The following RGCC variants were observed in gnomAD, a reference collection of about 807,000 sequenced individuals.
RGCC encodes the protein regulator of cell cycle, also known as regulator of cell cycle RGCC.
In RGCC, 15 loss-of-function variants were observed where a neutral mutation model predicts 15.4. The ratio of observed to expected loss-of-function variants is 0.97; its 90% CI spans 0.65 to 1.50. The LOEUF (loss-of-function observed/expected upper bound fraction) is 1.50. Ranked by LOEUF, RGCC falls within the 40% of genes most tolerant of loss-of-function variation. The pLI is 0.00. For missense variants in RGCC, 176 were observed against 189.7 expected, an observed-to-expected ratio of 0.93 and a Z score of 0.42; for synonymous variants, 81 against 78.0, an observed-to-expected ratio of 1.04 and a Z score of -0.20.
chr13:41,466,197 ACAC>A (rs1566338406), intron 2 of RGCC, among the ~76,000 whole-genome samples: 226 of 130,898 alleles, frequency 1.7e-3, no homozygotes, highest in African/African-American at 5.8e-3. Flanking sequence ...ACACTCACAC[ACAC>A]TCATACACTC....
chr13:41,463,606 T>C (rs2043833162), intron 2 of RGCC, among the ~76,000 whole-genome samples: 1 of 151,980 alleles, frequency 6.6e-6, no homozygotes, highest in South Asian at 2.1e-4. Context: ...CTAGTATTTT[T>C]CCTCCTCTTC....
At chr13:41,469,289 TAATAATAAGAAGAAG>T (rs1214460299) in intron 4 of RGCC, among the ~76,000 whole-genome samples, 16,180 of 100,532 alleles carry the variant, frequency 0.16, 1,078 homozygotes, top group South Asian at 0.24. Context: ...ATAATAATAA[TAATAATAAGAAGAAG>T]AAGAAGAAGA....
Position 41,458,588 on chromosome 13 carries a change from A to C in RGCC, c.235+118A>C. ...ACTGAGGAATGGTTTCCTGAAGCTC[A>C]ACGCAGTAGGCCGAGTGGTGGCGGG... On this transcript the variant is annotated intron_variant, in intron 2 of 4. Transcript: ENST00000379359. The surrounding 1 kb of genome is among the most constrained non-coding windows in gnomAD (Gnocchi z 4.4). 1.8e-5 allele frequency: 21 copies of C among 1,140,930 alleles called. No homozygotes were observed. The highest frequency in any genetic ancestry group is 2.3e-5 in the Non-Finnish European group (19 of 826,154). 70.7% of individuals were successfully genotyped at this position (1,140,930 alleles called of 1,614,324 possible).
At chr13:41,465,877 A>G (rs906248825) in intron 2 of RGCC, among the ~76,000 whole-genome samples, 5 of 151,838 alleles carry the variant, frequency 3.3e-5, no homozygotes, top group Non-Finnish European at 7.4e-5. Context: ...AAGTCATGGG[A>G]TACTGGATGT....
chr13:41,467,002 C>A, intron 3 of RGCC, 72 bp downstream of exon 3: 1 of 911,082 alleles, frequency 1.1e-6, no homozygotes, highest in South Asian at 1.3e-5. Flanking sequence ...CTTCTCTGTC[C>A]CTTTTATCCC....
rs1463223268 is a variant in RGCC at position 41,458,641 on chromosome 13, C to T, written c.235+171C>T. On this transcript the variant is annotated intron_variant, in intron 2 of 4. Transcript: ENST00000379359. The surrounding 1 kb of genome is among the most constrained non-coding windows in gnomAD (Gnocchi z 4.4). ...CCCTGACGATAATCACGGGAAAGGT[C>T]GCTGGAGGGCAGGTTGGTTCACTTG... Among the ~76,000 whole-genome samples, 1 of 152,190 alleles carries T rather than the reference C, an allele frequency of 6.6e-6. No homozygotes were observed. The highest frequency in any genetic ancestry group is 1.5e-5 in the Non-Finnish European group (1 of 68,036).
At position 41,458,907 on chromosome 13, in the gene RGCC, A is replaced by G. The variant is rs1288963843; in HGVS notation, c.235+437A>G. Among the ~76,000 whole-genome samples the G allele has an allele frequency of 6.6e-6, 1 of 152,244 alleles. No individual in the cohort carries two copies. On this transcript the variant is annotated intron_variant, in intron 2 of 4. Coordinates refer to ENST00000379359, the MANE Select transcript of RGCC (RefSeq NM_014059.3). This position sits in a 1 kb window ranked among gnomAD's most constrained non-coding sequence, Gnocchi z 4.4. The stretch of plus-strand genomic sequence containing the variant: ...TATTCATGAAACCAGGAAAGGTTTC[A>G]TAAGCCCAAACTGCTGTTCTTGGGA...
intron 2 of RGCC, among the ~76,000 whole-genome samples, chr13:41,460,229 G>C (rs1488620954): frequency 6.6e-6 from 1 of 152,226 alleles, no homozygotes; most frequent in Admixed American, 6.5e-5. Flanking sequence ...CTCTCACAAG[G>C]CTAGTCAGAA....
At chr13:41,467,686 A>T (rs1057244574) in intron 3 of RGCC, among the ~76,000 whole-genome samples, 1 of 152,248 alleles carries the variant, frequency 6.6e-6, no homozygotes, top group Non-Finnish European at 1.5e-5. Context: ...CTTTGGCAAT[A>T]AGACAGGACT....
At chr13:41,466,707 A>G in intron 2 of RGCC, 116 bp from the exon 3 acceptor site, 1 of 726,338 alleles carries the variant, frequency 1.4e-6, no homozygotes. Flanking sequence ...TTTACTATAG[A>G]GTTGCAGCTT....
intron 2 of RGCC, 24 bp from the exon 3 acceptor site, chr13:41,466,799 T>G: frequency 6.9e-7 from 1 of 1,457,682 alleles, no homozygotes; most frequent in Non-Finnish European, 9.6e-7. Flanking sequence ...CTATTTCTAA[T>G]GAGTATATTT....
At chr13:41,463,264 C>T (rs1025657529) in intron 2 of RGCC, among the ~76,000 whole-genome samples, 14 of 151,884 alleles carry the variant, frequency 9.2e-5, no homozygotes, top group Non-Finnish European at 7.4e-5. Flanking sequence ...TTCATCTGTG[C>T]CATACACGAT....
In RGCC at chr13:41,470,398, C is replaced by T. The variant is rs534001642; in HGVS notation, c.407-80C>T. ...GCATTGAGTTTGGTGCTTTGATGCA[C>T]GTCTGAGACAGTGTGATGTGGTTAA... On this transcript the variant is annotated intron_variant, in intron 4 of 4. Coordinates refer to ENST00000379359, the MANE Select transcript of RGCC (RefSeq NM_014059.3). 7.6e-5 allele frequency: 108 copies of T among 1,418,258 alleles called. 1 individual carries two copies. The South Asian group carries it at 9.7e-4, about 13-fold the overall frequency. 87.9% of individuals were successfully genotyped at this position (1,418,258 alleles called of 1,614,324 possible).
chr13:41,466,801 A>T, intron 2 of RGCC, 22 bp from the exon 3 acceptor site: 2 of 1,471,548 alleles, frequency 1.4e-6, no homozygotes, highest in Non-Finnish European at 1.9e-6. Flanking sequence ...ATTTCTAATG[A>T]GTATATTTTC....
chr13:41,463,986 G>A (rs78353317), intron 2 of RGCC: 1 of 152,846 alleles, frequency 6.5e-6, no homozygotes, highest in East Asian at 1.9e-4. Flanking sequence ...ACTTGCTGGA[G>A]AGTAGGGGCA....
intron 2 of RGCC, among the ~76,000 whole-genome samples, chr13:41,466,246 C>T (rs1288747414): frequency 1.3e-5 from 2 of 150,442 alleles, no homozygotes; most frequent in African/African-American, 4.9e-5. Flanking sequence ...CTCACACACA[C>T]CCACACTCAC....
chr13:41,469,459 C>T (rs778629086), intron 4 of RGCC, among the ~76,000 whole-genome samples: 1 of 152,006 alleles, frequency 6.6e-6, no homozygotes, highest in Non-Finnish European at 1.5e-5. Flanking sequence ...AAATGGAGAG[C>T]GAGCAAGACT....
At position 41,470,729 on chromosome 13, in the gene RGCC, T is replaced by C; in HGVS notation, c.*244T>C. Reference sequence around the variant, plus strand: ...TTAGAACAGACGATCCATGCTAATATTGTATTTTCTCTTAAAACATAGCTT... The same window carrying C: ...TTAGAACAGACGATCCATGCTAATACTGTATTTTCTCTTAAAACATAGCTT... On this transcript the variant is annotated 3_prime_UTR_variant, in exon 5 of 5. Transcript: ENST00000379359. The C allele has an allele frequency of 2.4e-6, 1 of 423,866 alleles. No homozygotes were observed. Among genetic ancestry groups the C allele is most frequent in the Non-Finnish European group, 4.2e-6 (1 of 239,324 alleles). 26.3% of individuals were successfully genotyped at this position (423,866 alleles called of 1,614,324 possible).
chr13:41,460,125 G>A (rs1262518558), intron 2 of RGCC, among the ~76,000 whole-genome samples: 2 of 152,292 alleles, frequency 1.3e-5, no homozygotes, highest in Non-Finnish European at 2.9e-5. Context: ...TGTTGTTAAC[G>A]GACTAACCCT....
Sources: gnomAD v4.1 joint callset for allele counts (sites outside exome capture counted in the v4.1 genomes callset) on GRCh38, gnomAD v4.1.1 for gene constraint, Gnocchi (gnomAD v3.1) non-coding constraint, MANE v1.5 for transcripts, NCBI Gene and HGNC (gene_info 2026-07-23, HGNC 2026-07-21) for gene names.